CNTN1: variants seen among roughly 807,000 people sequenced by gnomAD.
CNTN1 encodes contactin-1.
CNTN1 carries 38 observed loss-of-function variants against 126.4 expected under a neutral mutation model. The ratio of observed to expected loss-of-function variants is 0.30; its 90% CI spans 0.23 to 0.39. The LOEUF (loss-of-function observed/expected upper bound fraction) is 0.39, where lower values mean the gene tolerates loss of function less well. CNTN1 is among the 10% of genes least tolerant of loss of function. CNTN1 has a pLI of 1.00. For synonymous variants in CNTN1, 413 were observed against 422.6 expected, an observed-to-expected ratio of 0.98 and a Z score of 0.28; for missense variants, 1,009 against 1,248.4, an observed-to-expected ratio of 0.81 and a Z score of 2.89.
At position 41,022,591 on chromosome 12, in the gene CNTN1, A is replaced by G. The variant is rs116606543; in HGVS notation, c.2523+2151A>G. On this transcript the variant is annotated intron_variant, in intron 20 of 23. Coordinates refer to ENST00000551295, the MANE Select transcript of CNTN1 (RefSeq NM_001843.4). ...CATTGGGCATTCCAAGATGGTGGTG[A>G]TGATGATGATGCTGATGGCAGTGAG... Among the ~76,000 whole-genome samples, 1,310 of 152,248 alleles carry G rather than the reference A, an allele frequency of 8.6e-3. 18 individuals are homozygous for G. The highest frequency in any genetic ancestry group is 0.026 in the African/African-American group (1,092 of 41,544).
chr12:40,875,316 G>A (rs1162755596), intron 1 of CNTN1, among the ~76,000 whole-genome samples: 3 of 151,978 alleles, frequency 2.0e-5, no homozygotes, highest in African/African-American at 7.2e-5. Context: ...TCACATCCAG[G>A]ATTGACATTA....
At chr12:40,749,867 T>C (rs375646160) in intron 1 of CNTN1, among the ~76,000 whole-genome samples, 2 of 151,562 alleles carry the variant, frequency 1.3e-5, no homozygotes. Context: ...AGTTGGAGTC[T>C]AGGGTGTTAG....
intron 1 of CNTN1, among the ~76,000 whole-genome samples, chr12:40,710,900 T>G (rs1941896192): frequency 6.6e-6 from 1 of 152,186 alleles, no homozygotes; most frequent in South Asian, 2.1e-4. Flanking sequence ...ATAGTGTAAC[T>G]CACACATAAG....
Position 40,899,678 on chromosome 12 carries a change from C to T in CNTN1, c.-76-8679C>T, listed in dbSNP as rs564148396. On this transcript the variant is annotated intron_variant, in intron 1 of 23. Coordinates refer to ENST00000551295, the MANE Select transcript of CNTN1 (RefSeq NM_001843.4). ...TTCCAACCTTCACTTAACATACTTA[C>T]TACGACAATCCTTGAACTTTAGTAT... 1.7e-4 allele frequency among the ~76,000 whole-genome samples: 26 copies of T among 152,222 alleles called. No individual in the cohort carries two copies. In the East Asian group the frequency reaches 4.1e-3, roughly 24 times the overall value.
chr12:40,970,625 A>G (rs759583195), intron 15 of CNTN1, among the ~76,000 whole-genome samples: 2 of 152,166 alleles, frequency 1.3e-5, no homozygotes, highest in Non-Finnish European at 2.9e-5. Flanking sequence ...TTTCTATAAC[A>G]ATATTGCTGT....
chr12:40,961,775 AG>A (rs1189640818), intron 15 of CNTN1, among the ~76,000 whole-genome samples: 1 of 152,120 alleles, frequency 6.6e-6, no homozygotes, highest in Non-Finnish European at 1.5e-5. Context: ...TTTATGCAAA[AG>A]AATAAAATAC....
At chr12:40,918,430 A>G (rs73126513) in intron 3 of CNTN1, among the ~76,000 whole-genome samples, 1 of 152,150 alleles carries the variant, frequency 6.6e-6, no homozygotes, top group Non-Finnish European at 1.5e-5. Flanking sequence ...CACATGGTAC[A>G]TTTGGAAAAA....
rs112141305 is a variant in CNTN1, at chr12:40,956,900, G to A, written c.1684-2214G>A. Among the ~76,000 whole-genome samples, 433 of 152,178 alleles carry A rather than the reference G, an allele frequency of 2.8e-3. 1 individual carries two copies. Among genetic ancestry groups the A allele is most frequent in the African/African-American group, 9.9e-3 (411 of 41,556 alleles). On this transcript the variant is annotated intron_variant, in intron 14 of 23. Transcript: ENST00000551295. ...GGAAGTAGTGATCAAATAAGATGTAGGGGTTCAGGTGAGAGATGTGGGTAG... is the reference window on the plus strand; with the variant it reads ...GGAAGTAGTGATCAAATAAGATGTAAGGGTTCAGGTGAGAGATGTGGGTAG...
rs1283803716 is a variant in CNTN1, at chr12:40,959,253, TA to T, written c.1804+23del. The T allele has an allele frequency of 3.1e-6, 5 of 1,611,698 alleles. No individual in the cohort carries two copies. Among genetic ancestry groups the T allele is most frequent in the Non-Finnish European group, 4.2e-6 (5 of 1,178,468 alleles). ...GTGAGAGGTAAGAGTTTCAACATTTTAAAATTACAAAACCAAAAGTATTTGA... is the reference window on the plus strand; with the variant it reads ...GTGAGAGGTAAGAGTTTCAACATTTTAAATTACAAAACCAAAAGTATTTGA... On this transcript the variant is annotated intron_variant, in intron 15 of 23. Coordinates refer to ENST00000551295, the MANE Select transcript of CNTN1 (RefSeq NM_001843.4).
chr12:40,943,799 C>A, intron 13 of CNTN1, 75 bp downstream of exon 13: 2 of 1,538,294 alleles, frequency 1.3e-6, no homozygotes, highest in South Asian at 2.3e-5. Flanking sequence ...TCTAAACAGT[C>A]AATGTATTTG....
At chr12:40,706,987 G>C (rs529203568) in intron 1 of CNTN1, among the ~76,000 whole-genome samples, 2 of 152,096 alleles carry the variant, frequency 1.3e-5, no homozygotes, top group African/African-American at 4.8e-5. Context: ...AACCTAGATG[G>C]AGTTAATGCT....
intron 1 of CNTN1, among the ~76,000 whole-genome samples, chr12:40,825,776 A>G (rs1565789984): frequency 1.3e-5 from 2 of 151,992 alleles, no homozygotes; most frequent in Non-Finnish European, 2.9e-5. Context: ...CTTGTGCCAT[A>G]TATTTCTCTA....
intron 23 of CNTN1, among the ~76,000 whole-genome samples, chr12:41,051,814 T>C (rs1187188566): frequency 6.6e-6 from 1 of 151,760 alleles, no homozygotes; most frequent in Non-Finnish European, 1.5e-5. Context: ...AGATGAGATC[T>C]TGTAAGAGGA....
At chr12:40,749,902 G>A (rs935305940) in intron 1 of CNTN1, among the ~76,000 whole-genome samples, 5 of 151,954 alleles carry the variant, frequency 3.3e-5, no homozygotes, top group African/African-American at 7.2e-5. Context: ...ACTATTTTAC[G>A]TATGTGGTTA....
chr12:40,737,730 T>C (rs371954701), intron 1 of CNTN1, among the ~76,000 whole-genome samples: 2 of 152,148 alleles, frequency 1.3e-5, no homozygotes. Flanking sequence ...TTCAATCCAA[T>C]CAAGTTGACA....
Position 40,749,285 on chromosome 12 carries a change from G to A in CNTN1, c.-77+56693G>A, listed in dbSNP as rs573957636. Among the ~76,000 whole-genome samples the A allele has an allele frequency of 5.3e-4, 80 of 152,182 alleles. 2 individuals are homozygous for A. The South Asian group carries it at 0.016, about 30-fold the overall frequency. ...GACCAGTCATTGTAGCAAACTGAAT[G>A]TACAGTAAACAGCCTATACCTCTAT... is the stretch of plus-strand genomic sequence containing the variant. On this transcript the variant is annotated intron_variant, in intron 1 of 23. Coordinates refer to ENST00000551295, the MANE Select transcript of CNTN1 (RefSeq NM_001843.4).
Position 40,985,870 on chromosome 12 carries a change from T to C in CNTN1, c.1963+4803T>C, listed in dbSNP as rs529270904. Among the ~76,000 whole-genome samples, 106 of 152,268 alleles carry C rather than the reference T, an allele frequency of 7.0e-4. 1 individual carries two copies. The highest frequency in any genetic ancestry group is 3.4e-3 in the Middle Eastern group (1 of 294). On this transcript the variant is annotated intron_variant, in intron 16 of 23. Transcript: ENST00000551295. ...GACAGTGTGTGTGTGTCTGTGTGTG[T>C]GTGTGTGCACGCACGCATGTGTCTG...
intron 1 of CNTN1, among the ~76,000 whole-genome samples, chr12:40,873,868 C>G (rs986050439): frequency 6.6e-6 from 1 of 152,038 alleles, no homozygotes; most frequent in African/African-American, 2.4e-5. Context: ...CAATAGCTAT[C>G]AACTATTGGA....
intron 1 of CNTN1, among the ~76,000 whole-genome samples, chr12:40,783,702 T>A (rs1939892548): frequency 6.6e-6 from 1 of 152,142 alleles, no homozygotes; most frequent in Non-Finnish European, 1.5e-5. Context: ...TTACTCGTTG[T>A]GTGAAACACG....
Sources: allele counts gnomAD v4.1 joint callset (sites outside exome capture counted in the v4.1 genomes callset), GRCh38; gene constraint gnomAD v4.1.1; transcripts MANE v1.5; gene names NCBI Gene and HGNC (gene_info 2026-07-23, HGNC 2026-07-21).